The following NSMCE2 variants were observed in gnomAD, a reference collection of about 807,000 sequenced individuals.
The protein encoded by NSMCE2 is NSE2 SUMO ligase component of SMC5/6 complex, also known as E3 SUMO-protein ligase NSE2.
Under a neutral mutation model 23.8 loss-of-function variants are expected in NSMCE2, and 24 were observed. The ratio of observed to expected loss-of-function variants is 1.01; its 90% CI spans 0.73 to 1.42. NSMCE2 has a LOEUF of 1.42. Among genes scored for constraint, NSMCE2 ranks in the 40% most tolerant of loss-of-function variants. The pLI, the probability that NSMCE2 is intolerant of heterozygous loss-of-function variation, is 0.00. For synonymous variants in NSMCE2, 92 were observed against 94.1 expected, an observed-to-expected ratio of 0.98 and a Z score of 0.13; for missense variants, 284 against 296.5, an observed-to-expected ratio of 0.96 and a Z score of 0.31.
chr8:125,146,107 G>A (rs1820659809), intron 3 of NSMCE2, among the ~76,000 whole-genome samples: 1 of 152,182 alleles, frequency 6.6e-6, no homozygotes, highest in South Asian at 2.1e-4. Flanking sequence ...ATTGTCTAGT[G>A]TCCTCCTTGG....
At chr8:125,125,004 A>G (rs140382393) in intron 3 of NSMCE2, among the ~76,000 whole-genome samples, 2,731 of 152,106 alleles carry the variant, frequency 0.018, 38 homozygotes, top group Non-Finnish European at 0.027. Context: ...TATGTTGGCC[A>G]GGCTGGTCTG....
chr8:125,271,591 GT>G (rs1464867516), intron 5 of NSMCE2, among the ~76,000 whole-genome samples: 1 of 152,170 alleles, frequency 6.6e-6, no homozygotes, highest in African/African-American at 2.4e-5. Flanking sequence ...ACTCCTAGCT[GT>G]TCATCTTTGA....
intron 5 of NSMCE2, among the ~76,000 whole-genome samples, chr8:125,288,518 A>C (rs1026885689): frequency 6.6e-6 from 1 of 152,122 alleles, no homozygotes; most frequent in Admixed American, 6.5e-5. Flanking sequence ...TTTACCAGGG[A>C]TATTTCTCAA....
intron 3 of NSMCE2, among the ~76,000 whole-genome samples, chr8:125,149,010 A>G (rs1820835608): frequency 6.6e-6 from 1 of 152,160 alleles, no homozygotes; most frequent in Non-Finnish European, 1.5e-5. Flanking sequence ...GTACCAAGCC[A>G]TATGTCCATT....
chr8:125,106,995 C>CA (rs1294782045), intron 3 of NSMCE2, among the ~76,000 whole-genome samples: 2,253 of 139,044 alleles, frequency 0.016, 48 homozygotes, highest in African/African-American at 0.055. Context: ...AATTCTGTCT[C>CA]AAAAAAAAAA....
In NSMCE2 at chr8:125,266,999, CTTTCTTTTTT is replaced by C. The variant is rs562305958; in HGVS notation, c.418+84747_418+84756del. Among the ~76,000 whole-genome samples, 883 of 104,032 alleles carry C rather than the reference CTTTCTTTTTT, an allele frequency of 8.5e-3. 4 individuals carry two copies. Among genetic ancestry groups the C allele is most frequent in the Non-Finnish European group, 0.013 (612 of 45,714 alleles). The allele number at this position is 104,032 out of a possible 152,430, so 68.2% of individuals were successfully genotyped here. A position where few individuals can be genotyped will look rare whatever the true frequency, so the allele number is the denominator to read the frequency against. The stretch of plus-strand genomic sequence containing the variant: ...CAGAAAAGCATAACTTTTCTTTTTT[CTTTCTTTTTT>C]TTTTTTTTTTTTTGAGACAGAGTCT... On this transcript the variant is annotated intron_variant, in intron 5 of 7. Coordinates refer to ENST00000287437, the MANE Select transcript of NSMCE2 (RefSeq NM_173685.4).
At chr8:125,267,631 C>T (rs952866811) in intron 5 of NSMCE2, among the ~76,000 whole-genome samples, 2 of 152,072 alleles carry the variant, frequency 1.3e-5, no homozygotes, top group African/African-American at 2.4e-5. Context: ...AAACAATTAA[C>T]CAAGTGTGGC....
At chr8:125,224,193 C>A (rs981447771) in intron 5 of NSMCE2, among the ~76,000 whole-genome samples, 1 of 152,086 alleles carries the variant, frequency 6.6e-6, no homozygotes, top group Admixed American at 6.6e-5. Context: ...GTTTGAGTTC[C>A]TTATGTATTT....
At chr8:125,275,796 G>A (rs1282861323) in intron 5 of NSMCE2, among the ~76,000 whole-genome samples, 4 of 152,100 alleles carry the variant, frequency 2.6e-5, no homozygotes, top group Admixed American at 1.3e-4. Flanking sequence ...GAGAGGCTAA[G>A]GTTCAGAATG....
At chr8:125,257,595 G>A (rs903743089) in intron 5 of NSMCE2, among the ~76,000 whole-genome samples, 5 of 140,048 alleles carry the variant, frequency 3.6e-5, no homozygotes, top group South Asian at 2.3e-4. Flanking sequence ...GTGCAGTGGC[G>A]CGATCTCAGC....
chr8:125,205,167 CCTT>C (rs776963458), intron 5 of NSMCE2, among the ~76,000 whole-genome samples: 32 of 152,230 alleles, frequency 2.1e-4, no homozygotes, highest in Non-Finnish European at 4.1e-4. Context: ...GCAAGTCCCT[CCTT>C]CTGCCTCAAT....
intron 5 of NSMCE2, among the ~76,000 whole-genome samples, chr8:125,291,780 T>C (rs1828114815): frequency 6.6e-6 from 1 of 152,206 alleles, no homozygotes; most frequent in African/African-American, 2.4e-5. Context: ...TCGTAAACAA[T>C]AATTAACAGA....
chr8:125,334,783 T>C (rs950527190), intron 5 of NSMCE2, among the ~76,000 whole-genome samples: 18 of 129,652 alleles, frequency 1.4e-4, no homozygotes, highest in African/African-American at 4.7e-4. Flanking sequence ...TTTTTTTTTT[T>C]TTTTTTTTTT....
At chr8:125,193,987 A>G (rs1284063158) in intron 5 of NSMCE2, among the ~76,000 whole-genome samples, 1 of 151,982 alleles carries the variant, frequency 6.6e-6, no homozygotes, top group Non-Finnish European at 1.5e-5. Flanking sequence ...TCTTGTGGAG[A>G]GTGTTGCCTC....
At chr8:125,103,104 A>G (rs1818278937) in intron 3 of NSMCE2, among the ~76,000 whole-genome samples, 1 of 152,136 alleles carries the variant, frequency 6.6e-6, no homozygotes, top group Non-Finnish European at 1.5e-5. Context: ...CGTCTCTACT[A>G]AAAATACAAA....
At chr8:125,228,629 G>A (rs1212958159) in intron 5 of NSMCE2, among the ~76,000 whole-genome samples, 1 of 152,196 alleles carries the variant, frequency 6.6e-6, no homozygotes, top group African/African-American at 2.4e-5. Flanking sequence ...CAGAGCCAAA[G>A]AGGGCTGAGA....
chr8:125,151,180 G>A lies in NSMCE2; in HGVS notation c.167G>A (p.Ser56Asn), dbSNP rs1821003562. Residue 56 changes from serine (S) to asparagine (N), a missense_variant, in exon 4 of 8, where the codon AGT becomes AAT. Ser to Asn is a conservative substitution (Grantham distance 46, BLOSUM62 1). Around this residue, in one of 2 missense-constraint regions of NSMCE2, gnomAD observed 182 missense variants for 155.5 expected, o/e 1.17. Transcript: ENST00000287437. The stretch of plus-strand genomic sequence containing the variant: ...TTTTTTTTTCTTTCAGCTGAAGTGA[G>A]TAGTGAATATAGTATGGACAAGGCA... ...LDLVESQTEV[S>N]SEYSMDKAMV... 2 of 1,581,908 alleles carry A rather than the reference G, an allele frequency of 1.3e-6. No individual in the cohort carries two copies. The highest frequency in any genetic ancestry group is 2.2e-5 in the East Asian group (1 of 44,542).
At chr8:125,133,513 G>A (rs1819877731) in intron 3 of NSMCE2, among the ~76,000 whole-genome samples, 1 of 152,158 alleles carries the variant, frequency 6.6e-6, no homozygotes, top group Admixed American at 6.5e-5. Context: ...GCCAAGGCAG[G>A]TGATTCACTT....
chr8:125,191,275 C>T (rs1823331606), intron 5 of NSMCE2, among the ~76,000 whole-genome samples: 1 of 152,150 alleles, frequency 6.6e-6, no homozygotes, highest in Non-Finnish European at 1.5e-5. Context: ...TGCCTAAAAT[C>T]CTGATGCTGA....
Sources: gnomAD v4.1 joint callset for allele counts (sites outside exome capture counted in the v4.1 genomes callset) on GRCh38, gnomAD v4.1.1 for gene constraint, gnomAD v4.1.1 regional missense constraint, MANE v1.5 for transcripts, NCBI Gene and HGNC (gene_info 2026-07-23, HGNC 2026-07-21) for gene names.